RASA3: variants seen among roughly 807,000 people sequenced by gnomAD.
RASA3 encodes the protein ras GTPase-activating protein 3.
RASA3 carries 73 observed loss-of-function variants against 110.0 expected under a neutral mutation model. The ratio of observed to expected loss-of-function variants is 0.66; its 90% CI spans 0.55 to 0.81. The LOEUF (loss-of-function observed/expected upper bound fraction) is 0.81. Ranked by LOEUF, RASA3 falls within the 30% of genes least tolerant of loss-of-function variation. The pLI, the probability that RASA3 is intolerant of heterozygous loss-of-function variation, is 0.00. For synonymous variants in RASA3, 500 were observed against 451.4 expected (o/e 1.11, Z -1.37); for missense variants, 976 against 1,113.2 (o/e 0.88, Z 1.75).
At chr13:114,000,126 G>A (rs1163711105) in intron 19 of RASA3, among the ~76,000 whole-genome samples, 1 of 119,504 alleles carries the variant, frequency 8.4e-6, no homozygotes, top group Non-Finnish European at 1.7e-5. Context: ...TGCCAGGAGG[G>A]TCTCTGCTGG....
rs1248384116 is a variant in RASA3 at position 114,011,405 on chromosome 13, G to A, written c.1513-157C>T. Among the ~76,000 whole-genome samples, 1 of 152,172 alleles carries A rather than the reference G, an allele frequency of 6.6e-6. No homozygotes were observed. The highest frequency in any genetic ancestry group is 2.4e-5 in the African/African-American group (1 of 41,420). ...GGGTAGCGACGCAGATGGGACTGGA[G>A]GGGGTGGGCGTCCCACAGTCTCAGG... On this transcript the variant is annotated intron_variant, in intron 15 of 23. Transcript: ENST00000334062. This position sits in a 1 kb window ranked among gnomAD's most constrained non-coding sequence, Gnocchi z 4.8.
chr13:114,001,024 A>T, intron 18 of RASA3, 92 bp from the exon 19 acceptor site: 1 of 803,880 alleles, frequency 1.2e-6, no homozygotes, highest in Non-Finnish European at 2.2e-6. Context: ...GCGTTCTGAG[A>T]CCTGAGGCAG....
At chr13:114,030,411 G>A (rs796563036) in intron 4 of RASA3, among the ~76,000 whole-genome samples, 837 of 59,790 alleles carry the variant, frequency 0.014, 20 homozygotes, top group African/African-American at 0.044. Context: ...CTCACGCAGA[G>A]AGCAAGACTC....
chr13:114,105,947 C>T (rs1424036710), intron 1 of RASA3, among the ~76,000 whole-genome samples: 8 of 152,154 alleles, frequency 5.3e-5, no homozygotes, highest in African/African-American at 9.7e-5. Flanking sequence ...ACACACAGAG[C>T]GTCTTGCACC....
chr13:114,034,423 G>A (rs1238954124), intron 4 of RASA3, among the ~76,000 whole-genome samples: 1 of 152,112 alleles, frequency 6.6e-6, no homozygotes, highest in African/African-American at 2.4e-5. Flanking sequence ...GCCCCCGTGT[G>A]CTCTCCCGGC....
Position 114,115,325 on chromosome 13 carries a change from C to T in RASA3, c.55+17110G>A, listed in dbSNP as rs1371511035. 6.6e-6 allele frequency among the ~76,000 whole-genome samples: 1 copy of T among 152,228 alleles called. No homozygotes were observed. Among genetic ancestry groups the T allele is most frequent in the Non-Finnish European group, 1.5e-5 (1 of 68,048 alleles). On this transcript the variant is annotated intron_variant, in intron 1 of 23. Coordinates refer to ENST00000334062, the MANE Select transcript of RASA3 (RefSeq NM_007368.4). This position sits in a 1 kb window ranked among gnomAD's most constrained non-coding sequence, Gnocchi z 5.0. ...GTGAGTTCAATAGATGAACACCCCA[C>T]CTTGGTGACACAGAGGCTGGACAGT... is the stretch of plus-strand genomic sequence containing the variant.
At chr13:114,068,855 A>C (rs2079502265) in intron 2 of RASA3, among the ~76,000 whole-genome samples, 1 of 152,252 alleles carries the variant, frequency 6.6e-6, no homozygotes. Context: ...CCAAGGCCAG[A>C]GAGAAAGGGC....
intron 1 of RASA3, among the ~76,000 whole-genome samples, chr13:114,088,915 A>G (rs950937976): frequency 9.8e-5 from 15 of 152,318 alleles, no homozygotes; most frequent in Middle Eastern, 3.4e-3. Context: ...AATAAATAAG[A>G]TTATGGAAAC....
chr13:114,008,985 A>G (rs1292684515), intron 17 of RASA3, among the ~76,000 whole-genome samples: 1 of 144,352 alleles, frequency 6.9e-6, no homozygotes, highest in Non-Finnish European at 1.5e-5. Context: ...TGTGGGGAGG[A>G]GCAGAGCCCT....
chr13:114,080,995 G>A (rs1313724540), intron 1 of RASA3, among the ~76,000 whole-genome samples: 8 of 151,560 alleles, frequency 5.3e-5, no homozygotes, highest in African/African-American at 1.9e-4. Context: ...CCTCGGCAGA[G>A]GGCCGTCCAC....
chr13:114,015,905 T>G (rs1299947077), intron 13 of RASA3, among the ~76,000 whole-genome samples: 1 of 151,720 alleles, frequency 6.6e-6, no homozygotes, highest in Non-Finnish European at 1.5e-5. Context: ...GGGCAGACCC[T>G]CCGGGGGGGC....
chr13:114,132,257 G>A (rs2080530764), intron 1 of RASA3, among the ~76,000 whole-genome samples, 178 bp downstream of exon 1: 3 of 152,132 alleles, frequency 2.0e-5, no homozygotes, highest in African/African-American at 7.2e-5. Flanking sequence ...GAGGCCCGGG[G>A]AGGCGGGGAG....
At chr13:114,019,149 G>T (rs1276859912) in intron 9 of RASA3, among the ~76,000 whole-genome samples, 1 of 152,120 alleles carries the variant, frequency 6.6e-6, no homozygotes, top group Non-Finnish European at 1.5e-5. Flanking sequence ...GTCAAGGGGG[G>T]AAACGCGGAG....
At chr13:114,111,626 G>A (rs1594468443) in intron 1 of RASA3, among the ~76,000 whole-genome samples, 2 of 152,064 alleles carry the variant, frequency 1.3e-5, no homozygotes, top group African/African-American at 4.8e-5. Context: ...GAGTTCTAAC[G>A]GGCTGAGCCT....
rs144673281 is a variant in RASA3 at position 114,112,502 on chromosome 13, G to A, written c.55+19933C>T. Among the ~76,000 whole-genome samples, 1,062 of 152,310 alleles carry A rather than the reference G, an allele frequency of 7.0e-3. 13 individuals carry two copies. Among genetic ancestry groups the A allele is most frequent in the Admixed American group, 0.021 (327 of 15,302 alleles). On this transcript the variant is annotated intron_variant, in intron 1 of 23. Transcript: ENST00000334062. This position sits in a 1 kb window ranked among gnomAD's most constrained non-coding sequence, Gnocchi z 4.8. ...CCGGACGGGAACTCTCTGCAGGGCC[G>A]GTGGAAAGAGATCGCCAGCCCCAGC... is the stretch of plus-strand genomic sequence containing the variant.
At chr13:114,031,327 CTGTG>C (rs1410829170) in intron 4 of RASA3, among the ~76,000 whole-genome samples, 11 of 151,040 alleles carry the variant, frequency 7.3e-5, no homozygotes, top group African/African-American at 2.7e-4. Flanking sequence ...ATCTGCCTGT[CTGTG>C]TGTTTGGCTG....
chr13:114,040,612 ACAAGCGGGCG>A (rs1342317143), intron 4 of RASA3, among the ~76,000 whole-genome samples: 7 of 134,014 alleles, frequency 5.2e-5, no homozygotes, highest in African/African-American at 2.1e-4. Flanking sequence ...CACTCCGAGC[ACAAGCGGGCG>A]AACACGCACA....
At position 114,057,364 on chromosome 13, in the gene RASA3, G is replaced by A. The variant is rs927853040; in HGVS notation, c.174-5209C>T. 12 of 985,410 alleles carry A rather than the reference G, an allele frequency of 1.2e-5. No homozygotes were observed. The South Asian group carries it at 2.3e-4, about 19-fold the overall frequency. The allele number at this position is 985,410 out of a possible 1,614,324, so 61.0% of individuals were successfully genotyped here. On this transcript the variant is annotated intron_variant, in intron 2 of 23. Transcript: ENST00000334062. This position sits in a 1 kb window ranked among gnomAD's most constrained non-coding sequence, Gnocchi z 5.0. Reference sequence around the variant, plus strand: ...CAAGCTTCATTCCCACGAGCTGGACGAGCAGAAGGCATTGCAGGGCAGTGG... The same window carrying A: ...CAAGCTTCATTCCCACGAGCTGGACAAGCAGAAGGCATTGCAGGGCAGTGG...
chr13:114,016,006 C>T (rs903954405), intron 13 of RASA3, among the ~76,000 whole-genome samples, 191 bp downstream of exon 13: 9 of 152,058 alleles, frequency 5.9e-5, no homozygotes, highest in Non-Finnish European at 1.3e-4. Context: ...ACAGGCCAGG[C>T]CAAAGGTGGT....
Sources: allele counts gnomAD v4.1 joint callset (sites outside exome capture counted in the v4.1 genomes callset), GRCh38; gene constraint gnomAD v4.1.1; non-coding constraint Gnocchi (gnomAD v3.1); transcripts MANE v1.5; gene names NCBI Gene and HGNC (gene_info 2026-07-23, HGNC 2026-07-21).